RABGAP1L: variants seen among roughly 807,000 people sequenced by gnomAD.
The protein encoded by RABGAP1L is rab GTPase-activating protein 1-like.
In RABGAP1L, 63 loss-of-function variants were observed where a neutral mutation model predicts 137.7. That is an observed-to-expected ratio of 0.46 (90% CI 0.37 to 0.56). RABGAP1L has a LOEUF of 0.56. RABGAP1L is among the 20% of genes least tolerant of loss of function. RABGAP1L has a pLI of 0.00. For synonymous variants in RABGAP1L, 431 were observed against 433.7 expected, an observed-to-expected ratio of 0.99 and a Z score of 0.08; for missense variants, 1,095 against 1,244.0, an observed-to-expected ratio of 0.88 and a Z score of 1.80.
chr1:174,756,934 C>G, intron 18 of RABGAP1L: 10 of 865,572 alleles, frequency 1.2e-5, no homozygotes, highest in Non-Finnish European at 1.8e-5. Flanking sequence ...TGTCCCTCAG[C>G]CATTCTCAGA....
At chr1:174,610,036 T>C (rs1437258584) in intron 13 of RABGAP1L, among the ~76,000 whole-genome samples, 1 of 150,894 alleles carries the variant, frequency 6.6e-6, no homozygotes, top group Non-Finnish European at 1.5e-5. Flanking sequence ...GTATGCGTTT[T>C]TTTTTTCTTT....
At chr1:174,400,573 T>C (rs1327322877) in intron 13 of RABGAP1L, among the ~76,000 whole-genome samples, 1 of 152,226 alleles carries the variant, frequency 6.6e-6, no homozygotes, top group Non-Finnish European at 1.5e-5. Flanking sequence ...TTATATTGTG[T>C]TAGGTCCTGG....
intron 13 of RABGAP1L, among the ~76,000 whole-genome samples, chr1:174,488,223 T>A (rs1659862810): frequency 6.6e-6 from 1 of 152,138 alleles, no homozygotes; most frequent in Admixed American, 6.5e-5. Flanking sequence ...GATCTAGTGT[T>A]TAAGGCCTTT....
At chr1:174,444,187 GT>G (rs146180628) in intron 13 of RABGAP1L, among the ~76,000 whole-genome samples, 10 of 148,602 alleles carry the variant, frequency 6.7e-5, no homozygotes, top group Admixed American at 2.0e-4. Context: ...CAAATTTTAG[GT>G]TTTTTTTTTC....
At chr1:174,654,398 A>T (rs900557648) in intron 14 of RABGAP1L, among the ~76,000 whole-genome samples, 3 of 152,224 alleles carry the variant, frequency 2.0e-5, no homozygotes, top group Admixed American at 6.5e-5. Context: ...CTAAAAGAGC[A>T]TTCTATTTCT....
chr1:174,183,228 T>C (rs1666521202), intron 1 of RABGAP1L, among the ~76,000 whole-genome samples: 2 of 152,222 alleles, frequency 1.3e-5, no homozygotes. Flanking sequence ...TTCCAAATTT[T>C]ATTAAAATGG....
chr1:174,376,670 A>G (rs966727671), intron 12 of RABGAP1L, among the ~76,000 whole-genome samples: 1 of 152,168 alleles, frequency 6.6e-6, no homozygotes, highest in Non-Finnish European at 1.5e-5. Context: ...AAACCAAAAA[A>G]CAAAAAAACC....
chr1:174,541,548 A>C lies in RABGAP1L; in HGVS notation c.1711-95827A>C, dbSNP rs573512476. Among the ~76,000 whole-genome samples, 623 of 152,270 alleles carry C rather than the reference A, an allele frequency of 4.1e-3. 6 individuals are homozygous for C. Among genetic ancestry groups the C allele is most frequent in the African/African-American group, 0.012 (508 of 41,562 alleles). On this transcript the variant is annotated intron_variant, in intron 13 of 25. Transcript: ENST00000681986. The stretch of plus-strand genomic sequence containing the variant: ...TCCCAGCACTTTTGGAGGCCAAGGC[A>C]GGCATATCACGAGGTCAGGAGATCG...
intron 13 of RABGAP1L, among the ~76,000 whole-genome samples, chr1:174,555,571 T>C (rs1466516324): frequency 6.6e-6 from 1 of 152,118 alleles, no homozygotes; most frequent in Non-Finnish European, 1.5e-5. Context: ...TTCTTTAATG[T>C]TTACTGTGAA....
In RABGAP1L at chr1:174,225,972, C is replaced by T. The variant is rs1334645643; in HGVS notation, c.331+4808C>T. On this transcript the variant is annotated intron_variant, in intron 3 of 25. Transcript: ENST00000681986. Reference sequence around the variant, plus strand: ...ATTGTAGATGCTTACAGTACCACCGCGACTACCAGCATTTCAGGTAGTTCT... The same window carrying T: ...ATTGTAGATGCTTACAGTACCACCGTGACTACCAGCATTTCAGGTAGTTCT... 7.2e-5 allele frequency among the ~76,000 whole-genome samples: 11 copies of T among 152,136 alleles called. 2 individuals are homozygous for T. Among genetic ancestry groups the T allele is most frequent in the Admixed American group, 5.2e-4 (8 of 15,278 alleles).
At chr1:174,342,840 G>C (rs1321328548) in intron 11 of RABGAP1L, among the ~76,000 whole-genome samples, 1 of 151,510 alleles carries the variant, frequency 6.6e-6, no homozygotes, top group East Asian at 2.0e-4. Context: ...CTGGGTTCAA[G>C]TGATTCTCCT....
intron 10 of RABGAP1L, among the ~76,000 whole-genome samples, chr1:174,288,457 G>A (rs1676269929): frequency 6.6e-6 from 1 of 152,060 alleles, no homozygotes; most frequent in South Asian, 2.1e-4. Context: ...CATTTCTGCT[G>A]TACAGCTTTG....
chr1:174,794,015 G>A (rs966848030), intron 18 of RABGAP1L, among the ~76,000 whole-genome samples: 1 of 152,068 alleles, frequency 6.6e-6, no homozygotes, highest in Non-Finnish European at 1.5e-5. Flanking sequence ...AGACTTGAAT[G>A]AAAGAAAGAG....
At chr1:174,544,696 T>C (rs1197155943) in intron 13 of RABGAP1L, 3 of 152,254 alleles carry the variant, frequency 2.0e-5, no homozygotes, top group African/African-American at 7.2e-5. Context: ...TTTTAGAATT[T>C]TTAGCTTTTC....
intron 13 of RABGAP1L, among the ~76,000 whole-genome samples, chr1:174,555,021 C>CCA (rs111909554): frequency 4.6e-5 from 7 of 151,814 alleles, no homozygotes; most frequent in African/African-American, 1.5e-4. Context: ...GATGGCTCAT[C>CCA]TGACATTGCA....
At position 174,534,775 on chromosome 1, in the gene RABGAP1L, C is replaced by CAAA. The variant is rs71117567; in HGVS notation, c.1711-102573_1711-102571dup. ...GGATGACAGAGCGAAACTCTGTCTC[C>CAAA]AAAAAAAAAAAAAAAAAAAAAAAAA... On this transcript the variant is annotated intron_variant, in intron 13 of 25. Transcript: ENST00000681986. 2.9e-3 allele frequency among the ~76,000 whole-genome samples: 208 copies of CAAA among 71,544 alleles called. 4 individuals are homozygous for CAAA. The highest frequency in any genetic ancestry group is 0.012 in the Middle Eastern group (1 of 86). 46.9% of individuals were successfully genotyped at this position (71,544 alleles called of 152,430 possible). A position where few individuals can be genotyped will look rare whatever the true frequency, so the allele number is the denominator to read the frequency against.
intron 13 of RABGAP1L, among the ~76,000 whole-genome samples, chr1:174,635,832 G>C (rs962909085): frequency 6.6e-6 from 1 of 152,160 alleles, no homozygotes; most frequent in Non-Finnish European, 1.5e-5. Flanking sequence ...GCAAGAAAGG[G>C]TAGTGGCTTA....
chr1:174,849,904 C>T (rs1647959229), intron 19 of RABGAP1L: 4 of 599,606 alleles, frequency 6.7e-6, no homozygotes, highest in South Asian at 5.5e-5. Flanking sequence ...TCTTTCAGCT[C>T]TTGACATCTT....
intron 20 of RABGAP1L, among the ~76,000 whole-genome samples, chr1:174,960,972 A>C (rs1338280684): frequency 2.0e-5 from 3 of 152,232 alleles, no homozygotes; most frequent in African/African-American, 7.2e-5. Flanking sequence ...TCTTGGCATC[A>C]GTTTATATTT....
Sources: gnomAD v4.1 joint callset for allele counts (sites outside exome capture counted in the v4.1 genomes callset) on GRCh38, gnomAD v4.1.1 for gene constraint, MANE v1.5 for transcripts, NCBI Gene and HGNC (gene_info 2026-07-23, HGNC 2026-07-21) for gene names.